The following SPOCD1 variants were observed in gnomAD, a reference collection of about 807,000 sequenced individuals.
SPOCD1 encodes the protein SPOC domain-containing protein 1.
SPOCD1 carries 64 observed loss-of-function variants against 92.2 expected under a neutral mutation model. The ratio of observed to expected loss-of-function variants is 0.69; its 90% CI spans 0.57 to 0.86. The LOEUF is 0.86. Among genes scored for constraint, SPOCD1 ranks in the 40% least tolerant of loss-of-function variants. The probability of loss-of-function intolerance (pLI) is 0.00; values close to 1 mark genes in which losing one functional copy is unlikely to be tolerated. For synonymous variants in SPOCD1, 578 were observed against 619.3 expected, an observed-to-expected ratio of 0.93 and a Z score of 0.99; for missense variants, 1,360 against 1,543.1, an observed-to-expected ratio of 0.88 and a Z score of 1.99.
chr1:31,811,819 T>C (rs1649219117), intron 2 of SPOCD1, among the ~76,000 whole-genome samples: 1 of 152,230 alleles, frequency 6.6e-6, no homozygotes. Flanking sequence ...TGTGGGATGA[T>C]GGGCTGTGCC....
Position 31,815,136 on chromosome 1 carries a change from T to C in SPOCD1, c.198A>G (p.Arg66=). 3 of 1,608,308 alleles carry C rather than the reference T, an allele frequency of 1.9e-6. No individual in the cohort carries two copies. Among genetic ancestry groups the C allele is most frequent in the Non-Finnish European group, 2.6e-6 (3 of 1,175,724 alleles). The change falls in exon 2 of 16, where the codon CGA becomes CGG. Residue 66 remains arginine, a synonymous_variant. Coordinates refer to ENST00000360482, the MANE Select transcript of SPOCD1 (RefSeq NM_144569.7). ...CACCTGCAGCCCGGGAGCTGCCACCTCGAAGGGCCTCCTTCCTGGGGATCT... is the reference window on the plus strand; with the variant it reads ...CACCTGCAGCCCGGGAGCTGCCACCCCGAAGGGCCTCCTTCCTGGGGATCT... ...RRKIPRKEAL[R]GGSSRAAGAA...
chr1:31,798,914 C>G lies in SPOCD1; in HGVS notation c.1869-313G>C, dbSNP rs778238118. Reference sequence around the variant, plus strand: ...CAGCCTGTGCCCCGTCTCTGGCTCACGGGATGTGTGGAGGGGAGGAAGCCG... The same window carrying G: ...CAGCCTGTGCCCCGTCTCTGGCTCAGGGGATGTGTGGAGGGGAGGAAGCCG... On this transcript the variant is annotated intron_variant, in intron 7 of 15. Coordinates refer to ENST00000360482, the MANE Select transcript of SPOCD1 (RefSeq NM_144569.7). This position sits in a 1 kb window ranked among gnomAD's most constrained non-coding sequence, Gnocchi z 4.1. The G allele has an allele frequency of 1.8e-6, 1 of 561,760 alleles. No individual in the cohort carries two copies. Among genetic ancestry groups the G allele is most frequent in the African/African-American group, 1.9e-5 (1 of 52,806 alleles). The allele number at this position is 561,760 out of a possible 1,614,324, so 34.8% of individuals were successfully genotyped here.
intron 2 of SPOCD1, among the ~76,000 whole-genome samples, chr1:31,802,491 T>C (rs986753209): frequency 3.3e-5 from 5 of 152,188 alleles, no homozygotes; most frequent in Admixed American, 2.0e-4. Context: ...AGCACTTAGC[T>C]GCGGGGCTAT....
Position 31,790,597 on chromosome 1 carries a change from G to C in SPOCD1, c.*6C>G. 1 of 1,551,080 alleles carries C rather than the reference G, an allele frequency of 6.4e-7. No homozygotes were observed. The highest frequency in any genetic ancestry group is 8.7e-7 in the Non-Finnish European group (1 of 1,146,534). ...TCAAAACCCCTGTTCTGGTGGGTAA[G>C]GAGGGTCAGGCCTTTCTAGGGAAGG... On this transcript the variant is annotated 3_prime_UTR_variant, in exon 16 of 16. Coordinates refer to ENST00000360482, the MANE Select transcript of SPOCD1 (RefSeq NM_144569.7).
Position 31,791,202 on chromosome 1 carries a change from C to T in SPOCD1, c.3052G>A (p.Glu1018Lys). 1 of 1,609,554 alleles carries T rather than the reference C, an allele frequency of 6.2e-7. No individual in the cohort carries two copies. Among genetic ancestry groups the T allele is most frequent in the Non-Finnish European group, 8.5e-7 (1 of 1,177,422 alleles). Residue 1018 changes from glutamate to lysine, a missense_variant, in exon 16 of 16, where the codon GAA becomes AAA. Physicochemically the swap from Glu to Lys is moderately conservative, Grantham distance 56. Transcript: ENST00000360482. Reference protein sequence around the residue: ...SLLLAVLLPKEGLPDTAGSSP... With the variant: ...SLLLAVLLPKKGLPDTAGSSP... ...GACCCTGCTGTGTCTGGAAGCCCTTCCTTGGGGAGCAGCACAGCCAGCAAC... is the reference window on the plus strand; with the variant it reads ...GACCCTGCTGTGTCTGGAAGCCCTTTCTTGGGGAGCAGCACAGCCAGCAAC...
Position 31,814,479 on chromosome 1 carries a change from A to C in SPOCD1, c.855T>G (p.Phe285Leu). The change falls in exon 2 of 16, where the codon TTT becomes TTG. Residue 285 changes from phenylalanine (F) to leucine (L), a missense_variant. Coordinates refer to ENST00000360482, the MANE Select transcript of SPOCD1 (RefSeq NM_144569.7). The surrounding 1 kb of genome is among the most constrained non-coding windows in gnomAD (Gnocchi z 4.2). Reference sequence around the variant, plus strand: ...CATCCCCTGTAGCGGGCAAATATCCAAATTTCTCAGTCCCTGAGGCACATC... The same window carrying C: ...CATCCCCTGTAGCGGGCAAATATCCCAATTTCTCAGTCCCTGAGGCACATC... ...GAGCASGTEK[F>L]GYLPATGDGP... The C allele has an allele frequency of 1.3e-6, 2 of 1,572,050 alleles. No individual in the cohort carries two copies. The highest frequency in any genetic ancestry group is 8.6e-7 in the Non-Finnish European group (1 of 1,156,510).
In SPOCD1 at chr1:31,798,359, T is replaced by G. The variant is rs374813332; in HGVS notation, c.2029-36A>C. On this transcript the variant is annotated intron_variant, in intron 8 of 15. Transcript: ENST00000360482. This position sits in a 1 kb window ranked among gnomAD's most constrained non-coding sequence, Gnocchi z 4.1. ...CAGGGGGCAGGGCTGCACCACACGC[T>G]GAAAGAGCTCCCCCACCCTAGCATC... is the stretch of plus-strand genomic sequence containing the variant. The G allele has an allele frequency of 2.5e-6, 4 of 1,600,434 alleles. No individual in the cohort carries two copies. The Admixed American group carries it at 5.1e-5, about 20-fold the overall frequency.
chr1:31,813,049 A>G (rs1649304764), intron 2 of SPOCD1, among the ~76,000 whole-genome samples: 1 of 152,110 alleles, frequency 6.6e-6, no homozygotes, highest in African/African-American at 2.4e-5. Flanking sequence ...TAAAAGAACA[A>G]AGGAAAGGGA....
At chr1:31,809,626 T>G (rs1328988756) in intron 2 of SPOCD1, among the ~76,000 whole-genome samples, 2 of 152,172 alleles carry the variant, frequency 1.3e-5, no homozygotes, top group Non-Finnish European at 2.9e-5. Context: ...TGCCAACACT[T>G]AGGAACTGTG....
At chr1:31,794,339 T>C in intron 10 of SPOCD1, 104 bp from the exon 11 acceptor site, 2 of 656,280 alleles carry the variant, frequency 3.0e-6, no homozygotes, top group Non-Finnish European at 5.2e-6. Context: ...TTCTCAATAA[T>C]AAATGTTGTT....
rs768003701 is a variant in SPOCD1 at position 31,799,461 on chromosome 1, G to C, written c.1808C>G (p.Ser603Cys). ...DSAQLQQEKP[S>C]LYIGVRGTVV... ...AGTGCCCCGCACCCCAATATACAGG[G>C]ATGGCTTCTCCTGTTGGAGCTGAGC... Residue 603 changes from serine (S) to cysteine (C), a missense_variant, in exon 7 of 16, where the codon TCC becomes TGC. Around this residue, in one of 3 missense-constraint regions of SPOCD1, gnomAD observed 606 missense variants for 601.5 expected, o/e 1.01. Coordinates refer to ENST00000360482, the MANE Select transcript of SPOCD1 (RefSeq NM_144569.7). 6.1e-5 allele frequency: 98 copies of C among 1,611,802 alleles called. No homozygotes were observed. In the Admixed American group the frequency reaches 1.6e-3, roughly 27 times the overall value.
At position 31,814,796 on chromosome 1, in the gene SPOCD1, T is replaced by G; in HGVS notation, c.538A>C (p.Arg180=). The G allele has an allele frequency of 6.2e-7, 1 of 1,613,338 alleles. No homozygotes were observed. Among genetic ancestry groups the G allele is most frequent in the South Asian group, 1.1e-5 (1 of 91,022 alleles). Reference sequence around the variant, plus strand: ...TCCTCTTTGCTGAGTGTGGGGCTTCTTCTGTCACACCCTGGAGAACTCATT... The same window carrying G: ...TCCTCTTTGCTGAGTGTGGGGCTTCGTCTGTCACACCCTGGAGAACTCATT... ...GGMSSPGCDR[R]SPTLSKEEPP... The change falls in exon 2 of 16, where the codon AGA becomes CGA. Residue 180 remains arginine, a synonymous_variant. Coordinates refer to ENST00000360482, the MANE Select transcript of SPOCD1 (RefSeq NM_144569.7). The surrounding 1 kb of genome is among the most constrained non-coding windows in gnomAD (Gnocchi z 4.2).
In SPOCD1 at chr1:31,796,522, T is replaced by C. The variant is rs776780147; in HGVS notation, c.2271+68A>G. 2.5e-6 allele frequency: 4 copies of C among 1,613,402 alleles called. No individual in the cohort carries two copies. The Admixed American group carries it at 6.7e-5, about 27-fold the overall frequency. On this transcript the variant is annotated intron_variant, in intron 10 of 15. Transcript: ENST00000360482. Reference sequence around the variant, plus strand: ...GGTGACATGCCCAAGACCACACTGCTGGTGAGGCGAGGCGTGGGACCCCCA... The same window carrying C: ...GGTGACATGCCCAAGACCACACTGCCGGTGAGGCGAGGCGTGGGACCCCCA...
At chr1:31,794,481 T>A in intron 10 of SPOCD1, 9 of 266,420 alleles carry the variant, frequency 3.4e-5, no homozygotes, top group Admixed American at 6.4e-5. Flanking sequence ...CTTTACAATC[T>A]TTTTCTTTTT....
chr1:31,796,640 C>T lies in SPOCD1; in HGVS notation c.2221G>A (p.Val741Met), dbSNP rs200591431. 6.2e-7 allele frequency: 1 copy of T among 1,614,266 alleles called. No homozygotes were observed. The highest frequency in any genetic ancestry group is 2.2e-5 in the East Asian group (1 of 44,886). The change falls in exon 10 of 16, where the codon GTG (valine) becomes ATG (methionine). Residue 741 changes from valine (V) to methionine (M), a missense_variant. Physicochemically the swap from Val to Met is conservative, Grantham distance 21 (BLOSUM62 1). Coordinates refer to ENST00000360482, the MANE Select transcript of SPOCD1 (RefSeq NM_144569.7). ...PASKMTHKGE[V>M]EIQRDMDQTL... Reference sequence around the variant, plus strand: ...TGGTCCATGTCCCGCTGAATCTCCACTTCGCCCTTGTGGGTCATTTTGGAG... The same window carrying T: ...TGGTCCATGTCCCGCTGAATCTCCATTTCGCCCTTGTGGGTCATTTTGGAG...
intron 7 of SPOCD1, 74 bp downstream of exon 7, chr1:31,799,327 T>C (rs1648263879): frequency 4.5e-6 from 6 of 1,340,914 alleles, no homozygotes; most frequent in African/African-American, 2.9e-5. Flanking sequence ...CCTTAGAACA[T>C]GGCAGGGCCC....
chr1:31,796,929 C>T (rs963822195), intron 9 of SPOCD1, among the ~76,000 whole-genome samples: 3 of 152,146 alleles, frequency 2.0e-5, no homozygotes, highest in East Asian at 1.9e-4. Context: ...CTGCCTCCTC[C>T]GGGAAGCCTT....
chr1:31,792,459 C>A (rs761849152), intron 14 of SPOCD1, 58 bp from the exon 15 acceptor site: 2 of 1,553,354 alleles, frequency 1.3e-6, no homozygotes, highest in Admixed American at 1.9e-5. Context: ...CCTGCCAACA[C>A]CCCTGGGCTC....
intron 7 of SPOCD1, among the ~76,000 whole-genome samples, chr1:31,799,178 G>A (rs377184388): frequency 3.3e-5 from 5 of 152,218 alleles, no homozygotes; most frequent in African/African-American, 1.2e-4. Flanking sequence ...CCGAGGCTGA[G>A]AGCTGCAGCA....
Sources: gnomAD v4.1 joint callset for allele counts (sites outside exome capture counted in the v4.1 genomes callset) on GRCh38, gnomAD v4.1.1 for gene constraint, gnomAD v4.1.1 regional missense constraint, Gnocchi (gnomAD v3.1) non-coding constraint, MANE v1.5 for transcripts, NCBI Gene and HGNC (gene_info 2026-07-23, HGNC 2026-07-21) for gene names.